The following VPS8 variants were observed in gnomAD, a reference collection of about 807,000 sequenced individuals.
VPS8 encodes vacuolar protein sorting-associated protein 8 homolog.
A neutral mutation model predicts 216.4 loss-of-function variants in VPS8; 129 were observed. That is an observed-to-expected ratio of 0.60 (90% CI 0.52 to 0.69). The LOEUF (loss-of-function observed/expected upper bound fraction) is 0.69. VPS8 is among the 30% of genes least tolerant of loss of function. The pLI, the probability that VPS8 is intolerant of heterozygous loss-of-function variation, is 0.00. For missense variants in VPS8, 1,531 were observed against 1,683.5 expected, an observed-to-expected ratio of 0.91 and a Z score of 1.59; for synonymous variants, 571 against 565.4, an observed-to-expected ratio of 1.01 and a Z score of -0.14.
At chr3:184,959,823 T>C (rs1415433293) in intron 37 of VPS8, among the ~76,000 whole-genome samples, 1 of 152,016 alleles carries the variant, frequency 6.6e-6, no homozygotes, top group Admixed American at 6.6e-5. Flanking sequence ...TCCCTTCTAT[T>C]CTTTTATTTT....
At chr3:184,977,288 C>G (rs772595480) in intron 40 of VPS8, among the ~76,000 whole-genome samples, 1 of 152,022 alleles carries the variant, frequency 6.6e-6, no homozygotes, top group Non-Finnish European at 1.5e-5. Flanking sequence ...TGTCCTTTAC[C>G]CACTTTGTAA....
intron 39 of VPS8, among the ~76,000 whole-genome samples, chr3:184,968,796 T>A (rs1350128073): frequency 6.6e-6 from 1 of 152,206 alleles, no homozygotes; most frequent in Admixed American, 6.5e-5. Context: ...GATTTTTAGA[T>A]TATCCTCTTT....
intron 39 of VPS8, among the ~76,000 whole-genome samples, chr3:184,970,187 C>T (rs1221794065): frequency 1.1e-4 from 16 of 152,150 alleles, no homozygotes; most frequent in Admixed American, 1.0e-3. Flanking sequence ...GCTGGGATTA[C>T]AGGCATGAGC....
At chr3:184,955,513 A>G (rs1314378406) in intron 36 of VPS8, among the ~76,000 whole-genome samples, 5 of 151,808 alleles carry the variant, frequency 3.3e-5, no homozygotes, top group Admixed American at 6.6e-5. Context: ...CTTGTATGCA[A>G]TAAATATCAG....
At chr3:184,852,877 A>G (rs1267965617) in intron 11 of VPS8, among the ~76,000 whole-genome samples, 2 of 152,182 alleles carry the variant, frequency 1.3e-5, no homozygotes, top group Admixed American at 1.3e-4. Flanking sequence ...CTCAAGGCCC[A>G]GTTGATTTTA....
In VPS8 at chr3:184,940,110, G is replaced by A. The variant is rs1742382057; in HGVS notation, c.2989-87G>A. On this transcript the variant is annotated intron_variant, in intron 35 of 47. Coordinates refer to ENST00000625842, the MANE Select transcript of VPS8 (RefSeq NM_001009921.3). ...AATACTCAGATATCTGTGCATAAAGGGATAGGTTAAAGTAGTTCTTTACCA... is the reference window on the plus strand; with the variant it reads ...AATACTCAGATATCTGTGCATAAAGAGATAGGTTAAAGTAGTTCTTTACCA... 2.5e-5 allele frequency: 15 copies of A among 605,426 alleles called. No individual in the cohort carries two copies. In the South Asian group the frequency reaches 4.0e-4, roughly 16 times the overall value. The allele number at this position is 605,426 out of a possible 1,614,324, so 37.5% of individuals were successfully genotyped here.
In VPS8 at chr3:184,957,386, T is replaced by C; in HGVS notation, c.3048T>C (p.His1016=). The C allele has an allele frequency of 2.5e-6, 4 of 1,609,480 alleles. No individual in the cohort carries two copies. Among genetic ancestry groups the C allele is most frequent in the Non-Finnish European group, 2.5e-6 (3 of 1,177,570 alleles). Residue 1016 remains histidine, a synonymous_variant, in exon 37 of 48, where the codon CAT becomes CAC. Coordinates refer to ENST00000625842, the MANE Select transcript of VPS8 (RefSeq NM_001009921.3). ...TTTATGTTTTTAGGGAAGGTATTCATGTAAATCAAGAATTACTGCAAATAT... is the reference window on the plus strand; with the variant it reads ...TTTATGTTTTTAGGGAAGGTATTCACGTAAATCAAGAATTACTGCAAATAT... The part of the protein sequence containing the change: ...RSLLDPREGI[H]VNQELLQISP...
At chr3:185,035,975 G>A (rs1334817473) in intron 46 of VPS8, among the ~76,000 whole-genome samples, 1 of 152,146 alleles carries the variant, frequency 6.6e-6, no homozygotes, top group African/African-American at 2.4e-5. Flanking sequence ...TGTTCAGGCT[G>A]AGAATGAAAT....
chr3:184,832,880 A>T, intron 4 of VPS8, 61 bp downstream of exon 4: 2 of 1,545,900 alleles, frequency 1.3e-6, no homozygotes, highest in Non-Finnish European at 1.8e-6. Context: ...TTCAAATGTA[A>T]ATATTGTACT....
At chr3:184,894,517 T>C (rs891439243) in intron 22 of VPS8, among the ~76,000 whole-genome samples, 186 bp from the exon 23 acceptor site, 12 of 135,594 alleles carry the variant, frequency 8.8e-5, no homozygotes, top group Non-Finnish European at 1.6e-4. Flanking sequence ...CGTATATATA[T>C]ATATATATAT....
rs182452550 is a variant in VPS8, at chr3:184,886,106, A to C, written c.1735-4A>C. On this transcript the variant is annotated splice_region_variant and splice_polypyrimidine_tract_variant and intron_variant, in intron 21 of 47. Coordinates refer to ENST00000625842, the MANE Select transcript of VPS8 (RefSeq NM_001009921.3). ...CTGATGCTTTCTTTATGGTTCCTCT[A>C]CAGGATATGGTGCCTGTCATAGTTG... 2 of 1,608,282 alleles carry C rather than the reference A, an allele frequency of 1.2e-6. No individual in the cohort carries two copies. Among genetic ancestry groups the C allele is most frequent in the Non-Finnish European group, 1.7e-6 (2 of 1,177,300 alleles).
At chr3:184,970,389 C>T (rs1415678616) in intron 39 of VPS8, among the ~76,000 whole-genome samples, 1 of 152,102 alleles carries the variant, frequency 6.6e-6, no homozygotes, top group Non-Finnish European at 1.5e-5. Context: ...CTTGTAGTAC[C>T]AGTAGAATGG....
At chr3:184,839,046 CTCCCCT>C (rs1314621681) in intron 6 of VPS8, 1 of 289,276 alleles carries the variant, frequency 3.5e-6, no homozygotes, top group African/African-American at 2.2e-5. Context: ...TGTGATTTGG[CTCCCCT>C]TCCACAAGGA....
At chr3:184,967,982 A>G (rs537365479) in intron 39 of VPS8, among the ~76,000 whole-genome samples, 3 of 152,184 alleles carry the variant, frequency 2.0e-5, no homozygotes, top group Non-Finnish European at 2.9e-5. Flanking sequence ...CCACCTCCAA[A>G]TTTTTTAATC....
At chr3:184,818,474 C>T (rs1333111552) in intron 1 of VPS8, among the ~76,000 whole-genome samples, 1 of 148,092 alleles carries the variant, frequency 6.8e-6, no homozygotes, top group Non-Finnish European at 1.5e-5. Flanking sequence ...ATGAGCCGAG[C>T]TTATGCCACT....
rs1302220888 is a variant in VPS8, at chr3:184,855,806, T to TAC, written c.1131_1132insAC (p.His378ThrfsTer6). The TAC allele has an allele frequency of 6.2e-6, 10 of 1,612,410 alleles. No individual in the cohort carries two copies. Among genetic ancestry groups the TAC allele is most frequent in the Non-Finnish European group, 7.6e-6 (9 of 1,179,272 alleles). Reference sequence around the variant, plus strand: ...TTGCCTTCTGCAGAGGAGATGTTGTTCATTTTCTATTGGTAAGTCCTAATA... The same window carrying TAC: ...TTGCCTTCTGCAGAGGAGATGTTGTTACCATTTTCTATTGGTAAGTCCTAATA... On this transcript the variant is annotated frameshift_variant, in exon 14 of 48. Transcript: ENST00000625842. LOFTEE classifies it high-confidence loss of function.
At chr3:184,870,853 A>G (rs761679644) in intron 21 of VPS8, 48 bp downstream of exon 21, 1 of 1,467,714 alleles carries the variant, frequency 6.8e-7, no homozygotes, top group Admixed American at 2.0e-5. Context: ...GATAGGTCTA[A>G]TACTCCTCTT....
chr3:185,035,599 G>A (rs913080947), intron 46 of VPS8, among the ~76,000 whole-genome samples: 3 of 152,056 alleles, frequency 2.0e-5, no homozygotes, highest in African/African-American at 7.2e-5. Flanking sequence ...GGCATCAAAG[G>A]AACATACCTC....
intron 21 of VPS8, among the ~76,000 whole-genome samples, chr3:184,884,441 T>A (rs767856458): frequency 2.6e-5 from 4 of 152,184 alleles, no homozygotes; most frequent in Non-Finnish European, 5.9e-5. Context: ...TCAGGATCAC[T>A]TTTTATGTGA....
Sources: allele counts gnomAD v4.1 joint callset (sites outside exome capture counted in the v4.1 genomes callset), GRCh38; gene constraint gnomAD v4.1.1; transcripts MANE v1.5; gene names NCBI Gene and HGNC (gene_info 2026-07-23, HGNC 2026-07-21).